Variants in TNPO1 observed in about 807,000 individuals in gnomAD.
TNPO1 encodes transportin-1.
TNPO1 carries 8 observed loss-of-function variants against 119.5 expected under a neutral mutation model. That is an observed-to-expected ratio of 0.07 (90% CI 0.04 to 0.12). The LOEUF is 0.12. Among genes scored for constraint, TNPO1 ranks in the 10% least tolerant of loss-of-function variants. The pLI is 1.00. For missense variants in TNPO1, 576 were observed against 1,089.8 expected (o/e 0.53, Z 6.64); for synonymous variants, 362 against 363.0 (o/e 1.00, Z 0.03).
chr5:72,828,100 G>A (rs1264626358), intron 1 of TNPO1, among the ~76,000 whole-genome samples: 2 of 152,084 alleles, frequency 1.3e-5, no homozygotes, highest in East Asian at 1.9e-4. Context: ...ATTGAGGGGA[G>A]CCAGCGAAGG....
At chr5:72,861,605 T>C (rs972775981) in intron 4 of TNPO1, among the ~76,000 whole-genome samples, 5 of 152,174 alleles carry the variant, frequency 3.3e-5, no homozygotes, top group African/African-American at 9.7e-5. Flanking sequence ...GGTTTCATCA[T>C]GTTGCCCAGG....
At chr5:72,851,112 C>T in intron 2 of TNPO1, 132 bp from the exon 3 acceptor site, 1 of 639,580 alleles carries the variant, frequency 1.6e-6, no homozygotes, top group Admixed American at 3.1e-5. Flanking sequence ...GTAAGATATC[C>T]TTATTCTTAG....
chr5:72,906,220 T>A (rs1750133278), intron 24 of TNPO1, among the ~76,000 whole-genome samples: 1 of 149,640 alleles, frequency 6.7e-6, no homozygotes, highest in African/African-American at 2.4e-5. Flanking sequence ...ACTGTTTTTG[T>A]TTTTCACTGT....
At position 72,911,051 on chromosome 5, in the gene TNPO1, A is replaced by G. The variant is rs1374275192; in HGVS notation, c.*2378A>G. On this transcript the variant is annotated 3_prime_UTR_variant, in exon 25 of 25. Coordinates refer to ENST00000337273, the MANE Select transcript of TNPO1 (RefSeq NM_002270.4). Reference sequence around the variant, plus strand: ...AGAGTAGCTTTTTTATTCTTAGATTATAGTGATATTCTGTAGTGCTTCAAA... The same window carrying G: ...AGAGTAGCTTTTTTATTCTTAGATTGTAGTGATATTCTGTAGTGCTTCAAA... The G allele has an allele frequency of 6.6e-6, 1 of 152,038 alleles. No homozygotes were observed. The highest frequency in any genetic ancestry group is 2.4e-5 in the African/African-American group (1 of 41,424). The allele number at this position is 152,038 out of a possible 1,614,324, so 9.4% of individuals were successfully genotyped here. A position where few individuals can be genotyped will look rare whatever the true frequency, so the allele number is the denominator to read the frequency against.
chr5:72,824,611 G>C (rs1189590496), intron 1 of TNPO1, among the ~76,000 whole-genome samples: 1 of 152,188 alleles, frequency 6.6e-6, no homozygotes, highest in Non-Finnish European at 1.5e-5. Flanking sequence ...GTTATCTGCT[G>C]TCTCAGTGCT....
intron 1 of TNPO1, among the ~76,000 whole-genome samples, chr5:72,841,582 G>T (rs138246480): frequency 1.3e-5 from 2 of 150,998 alleles, no homozygotes; most frequent in Admixed American, 1.3e-4. Flanking sequence ...CTTGTGATCC[G>T]CCCGCCTCGG....
At position 72,816,677 on chromosome 5, in the gene TNPO1, A is replaced by G; in HGVS notation, c.-61A>G. 2.0e-6 allele frequency: 3 copies of G among 1,508,236 alleles called. No homozygotes were observed. The highest frequency in any genetic ancestry group is 2.7e-6 in the Non-Finnish European group (3 of 1,127,088). The allele number at this position is 1,508,236 out of a possible 1,614,324, so 93.4% of individuals were successfully genotyped here. A position where few individuals can be genotyped will look rare whatever the true frequency, so the allele number is the denominator to read the frequency against. Reference sequence around the variant, plus strand: ...ATTCTCTTTGTTCCGCAGCCATTTCAGGCCCCGGACAGGAGGCAGTGCCGC... The same window carrying G: ...ATTCTCTTTGTTCCGCAGCCATTTCGGGCCCCGGACAGGAGGCAGTGCCGC... On this transcript the variant is annotated 5_prime_UTR_variant, in exon 1 of 25. Transcript: ENST00000337273.
chr5:72,834,511 C>G (rs1455808208), intron 1 of TNPO1, among the ~76,000 whole-genome samples: 1 of 151,734 alleles, frequency 6.6e-6, no homozygotes, highest in Middle Eastern at 3.2e-3. Context: ...TCATTTTTAA[C>G]AAAAAAGTTT....
At chr5:72,907,017 C>T (rs1750219527) in intron 24 of TNPO1, among the ~76,000 whole-genome samples, 3 of 152,052 alleles carry the variant, frequency 2.0e-5, no homozygotes, top group Admixed American at 2.0e-4. Context: ...TTGTTTACTC[C>T]AAGCTAAAAT....
At chr5:72,821,199 T>G (rs1743943306) in intron 1 of TNPO1, among the ~76,000 whole-genome samples, 1 of 93,642 alleles carries the variant, frequency 1.1e-5, no homozygotes, top group South Asian at 3.7e-4. Context: ...TAGAGAAAAA[T>G]TCATATTTGA....
At chr5:72,881,959 T>C (rs1278836525) in intron 9 of TNPO1, among the ~76,000 whole-genome samples, 1 of 152,220 alleles carries the variant, frequency 6.6e-6, no homozygotes, top group Non-Finnish European at 1.5e-5. Flanking sequence ...TGGGACTTAC[T>C]GTCTTCACTT....
At chr5:72,822,806 G>C (rs747458661) in intron 1 of TNPO1, among the ~76,000 whole-genome samples, 1 of 151,468 alleles carries the variant, frequency 6.6e-6, no homozygotes, top group Non-Finnish European at 1.5e-5. Context: ...CTGTGCAGGC[G>C]TGTCTCCAAC....
chr5:72,891,936 A>G (rs1480918472), intron 15 of TNPO1, 40 bp downstream of exon 15: 1 of 1,507,124 alleles, frequency 6.6e-7, no homozygotes, highest in Admixed American at 1.9e-5. Flanking sequence ...TGCCAAGAAC[A>G]CATGTTCAAA....
At chr5:72,896,730 G>A (rs555513772) in intron 19 of TNPO1, among the ~76,000 whole-genome samples, 174 bp downstream of exon 19, 10 of 152,240 alleles carry the variant, frequency 6.6e-5, no homozygotes, top group East Asian at 3.9e-4. Flanking sequence ...ATTAGCTGGC[G>A]TGGTAGCGGG....
At chr5:72,865,314 C>T (rs1248938636) in intron 5 of TNPO1, among the ~76,000 whole-genome samples, 1 of 151,720 alleles carries the variant, frequency 6.6e-6, no homozygotes, top group Admixed American at 6.6e-5. Context: ...CAATGGCAGG[C>T]ACCTGTAATC....
chr5:72,839,705 A>C (rs1744829146), intron 1 of TNPO1, among the ~76,000 whole-genome samples: 3 of 152,202 alleles, frequency 2.0e-5, no homozygotes, highest in Admixed American at 1.3e-4. Flanking sequence ...CAGCTAGAAC[A>C]CCGCTGCTTA....
Position 72,816,723 on chromosome 5 carries a change from C to T in TNPO1, c.-15C>T, listed in dbSNP as rs1000025311. The T allele has an allele frequency of 1.8e-5, 28 of 1,574,796 alleles. No homozygotes were observed. Among genetic ancestry groups the T allele is most frequent in the Non-Finnish European group, 5.2e-6 (6 of 1,162,732 alleles). ...GCCGCTTCGGCCGAAGGCCCGAGCG[C>T]CCGAGGCGTCTGGGATGGTGTGGGA... On this transcript the variant is annotated 5_prime_UTR_variant, in exon 1 of 25. Transcript: ENST00000337273.
intron 1 of TNPO1, among the ~76,000 whole-genome samples, chr5:72,845,096 T>C (rs1745074540): frequency 1.4e-5 from 2 of 146,444 alleles, no homozygotes; most frequent in African/African-American, 5.0e-5. Context: ...TTGGTCACCA[T>C]TGAATGTCAT....
chr5:72,879,136 C>T, intron 9 of TNPO1: 1 of 200,584 alleles, frequency 5.0e-6, no homozygotes, highest in South Asian at 9.2e-5. Context: ...GTTCTGGAGA[C>T]CCTGCTTTTA....
Sources: gnomAD v4.1 joint callset for allele counts (sites outside exome capture counted in the v4.1 genomes callset) on GRCh38, gnomAD v4.1.1 for gene constraint, MANE v1.5 for transcripts, NCBI Gene and HGNC (gene_info 2026-07-23, HGNC 2026-07-21) for gene names.